N4BP2: variants seen among roughly 807,000 people sequenced by gnomAD.
N4BP2 encodes the protein NEDD4 binding protein 2, also known as NEDD4-binding protein 2.
In N4BP2, 91 loss-of-function variants were observed where a neutral mutation model predicts 152.8. The ratio of observed to expected loss-of-function variants is 0.60; its 90% CI spans 0.50 to 0.71. The LOEUF (loss-of-function observed/expected upper bound fraction) is 0.71. N4BP2 is among the 30% of genes least tolerant of loss of function. The pLI is 0.00. For missense variants in N4BP2, 1,923 were observed against 2,059.1 expected, an observed-to-expected ratio of 0.93 and a Z score of 1.28; for synonymous variants, 646 against 705.3, an observed-to-expected ratio of 0.92 and a Z score of 1.33.
chr4:40,136,082 G>T (rs558616654), intron 13 of N4BP2, among the ~76,000 whole-genome samples: 1 of 152,274 alleles, frequency 6.6e-6, no homozygotes, highest in Admixed American at 6.5e-5. Flanking sequence ...AGATATGACT[G>T]AATAATGCAG....
chr4:40,102,511 C>G lies in N4BP2; in HGVS notation c.666C>G (p.Asn222Lys), dbSNP rs576269027. Residue 222 changes from asparagine to lysine, a missense_variant, in exon 4 of 18, where the codon AAC becomes AAG. Physicochemically the swap from Asn to Lys is moderately conservative, Grantham distance 94. Transcript: ENST00000261435. ...LNPLPSHSVL[N>K]ESKCFIKDNT... The stretch of plus-strand genomic sequence containing the variant: ...CATTACCTTCACATTCAGTTTTGAA[C>G]GAGTCCAAGTGTTTTATAAAGGATA... The G allele has an allele frequency of 1.9e-6, 3 of 1,613,972 alleles. No individual in the cohort carries two copies. The highest frequency in any genetic ancestry group is 1.3e-5 in the African/African-American group (1 of 74,898).
intron 2 of N4BP2, among the ~76,000 whole-genome samples, chr4:40,074,038 C>T (rs531530348): frequency 6.6e-5 from 10 of 151,702 alleles, no homozygotes; most frequent in South Asian, 2.1e-4. Flanking sequence ...GTGATCCGCC[C>T]GCCTCAGCCT....
intron 13 of N4BP2, among the ~76,000 whole-genome samples, chr4:40,134,380 G>T (rs12650412): frequency 0.1 from 8,033 of 80,636 alleles, 639 homozygotes; most frequent in East Asian, 0.57. Flanking sequence ...AAAGGAGGGG[G>T]CTGGGTGTGT....
chr4:40,104,080 G>C (rs954630062), intron 4 of N4BP2, among the ~76,000 whole-genome samples: 3 of 151,874 alleles, frequency 2.0e-5, no homozygotes, highest in African/African-American at 7.3e-5. Context: ...AGCCTCCCGA[G>C]CAGCTGGGAC....
In N4BP2 at chr4:40,121,801, T is replaced by G; in HGVS notation, c.3690T>G (p.Asn1230Lys). 1 of 1,614,024 alleles carries G rather than the reference T, an allele frequency of 6.2e-7. No homozygotes were observed. Among genetic ancestry groups the G allele is most frequent in the Non-Finnish European group, 8.5e-7 (1 of 1,179,996 alleles). The change falls in exon 9 of 18, where the codon AAT becomes AAG. Residue 1230 changes from asparagine (N) to lysine (K), a missense_variant. Physicochemically the swap from Asn to Lys is moderately conservative, Grantham distance 94 (BLOSUM62 0). Coordinates refer to ENST00000261435, the MANE Select transcript of N4BP2 (RefSeq NM_018177.6). ...CCAGTGCTGCTGTGGGTCTAAAGAA[T>G]AATAATGACATACTTCCTAACAGCC... ...IFPSAAVGLK[N>K]NNDILPNSQE...
chr4:40,152,216 A>C (rs1295085956), intron 16 of N4BP2, among the ~76,000 whole-genome samples: 1 of 152,244 alleles, frequency 6.6e-6, no homozygotes, highest in African/African-American at 2.4e-5. Flanking sequence ...ACTGGAAGAT[A>C]ATCTATAAAC....
chr4:40,121,537 A>G lies in N4BP2; in HGVS notation c.3426A>G (p.Gln1142=). Residue 1142 remains glutamine (Q), a synonymous_variant, in exon 9 of 18, where the codon CAA becomes CAG. Coordinates refer to ENST00000261435, the MANE Select transcript of N4BP2 (RefSeq NM_018177.6). ...LCEDTEFENF[Q]KSCDGSQIGP... ...AGGATACAGAGTTTGAGAATTTCCAAAAATCGTGTGATGGATCACAAATTG... is the reference window on the plus strand; with the variant it reads ...AGGATACAGAGTTTGAGAATTTCCAGAAATCGTGTGATGGATCACAAATTG... 6.2e-7 allele frequency: 1 copy of G among 1,614,192 alleles called. No individual in the cohort carries two copies. Among genetic ancestry groups the G allele is most frequent in the South Asian group, 1.1e-5 (1 of 91,082 alleles).
At chr4:40,135,023 G>A (rs1382565483) in intron 13 of N4BP2, among the ~76,000 whole-genome samples, 1 of 148,574 alleles carries the variant, frequency 6.7e-6, no homozygotes, top group East Asian at 2.0e-4. Flanking sequence ...ATGTATACAT[G>A]TGACATGCTG....
intron 5 of N4BP2, among the ~76,000 whole-genome samples, chr4:40,108,724 A>G (rs760823375): frequency 2.0e-4 from 30 of 152,140 alleles, no homozygotes; most frequent in Non-Finnish European, 3.7e-4. Flanking sequence ...GTAACTGTCT[A>G]TTCAGTGAAG....
At chr4:40,180,111 G>A in the N4BP2 span, among the ~76,000 whole-genome samples, 12 of 152,096 alleles carry the variant, frequency 7.9e-5, no homozygotes, top group African/African-American at 2.2e-4. Flanking sequence ...AAAAACTTGG[G>A]CATGGCAAAA....
intron 2 of N4BP2, among the ~76,000 whole-genome samples, chr4:40,081,808 G>A (rs1449800513): frequency 6.7e-6 from 1 of 149,678 alleles, no homozygotes; most frequent in Non-Finnish European, 1.5e-5. Flanking sequence ...AAACCCCATC[G>A]CTACTAAAAA....
downstream of N4BP2, among the ~76,000 whole-genome samples, chr4:40,159,345 A>T (rs1721793248): frequency 6.6e-6 from 1 of 152,230 alleles, no homozygotes; most frequent in Non-Finnish European, 1.5e-5. Flanking sequence ...CAAAATACTA[A>T]TGGCAAAAGG....
At chr4:40,062,419 C>T (rs934386251) in intron 1 of N4BP2, among the ~76,000 whole-genome samples, 11 of 152,118 alleles carry the variant, frequency 7.2e-5, no homozygotes, top group Admixed American at 2.0e-4. Context: ...GGTTGTTGCA[C>T]GAGCCTCCTA....
chr4:40,132,871 T>A (rs1207983360), intron 13 of N4BP2, among the ~76,000 whole-genome samples: 1 of 152,108 alleles, frequency 6.6e-6, no homozygotes, highest in African/African-American at 2.4e-5. Context: ...AGGAATTGAT[T>A]TACTAATTCA....
In N4BP2 at chr4:40,121,816, T is replaced by G; in HGVS notation, c.3705T>G (p.Leu1235=). Residue 1235 remains leucine (L), a synonymous_variant, in exon 9 of 18, where the codon CTT becomes CTG. Coordinates refer to ENST00000261435, the MANE Select transcript of N4BP2 (RefSeq NM_018177.6). ...GTCTAAAGAATAATAATGACATACT[T>G]CCTAACAGCCAGGAAGAACTTTTAT... ...AVGLKNNNDI[L]PNSQEELLYS... 1 of 1,614,056 alleles carries G rather than the reference T, an allele frequency of 6.2e-7. No individual in the cohort carries two copies. The highest frequency in any genetic ancestry group is 8.5e-7 in the Non-Finnish European group (1 of 1,180,010).
At chr4:40,077,008 A>T (rs1281152766) in intron 2 of N4BP2, among the ~76,000 whole-genome samples, 2 of 151,950 alleles carry the variant, frequency 1.3e-5, no homozygotes, top group Non-Finnish European at 2.9e-5. Context: ...TTCCCTATAT[A>T]TTACATATAG....
Position 40,120,867 on chromosome 4 carries a change from A to T in N4BP2, c.2756A>T (p.Asn919Ile). 1 of 1,614,144 alleles carries T rather than the reference A, an allele frequency of 6.2e-7. No individual in the cohort carries two copies. The highest frequency in any genetic ancestry group is 8.5e-7 in the Non-Finnish European group (1 of 1,180,018). ...NLEIGTNDKM[N>I]EISLSTAHEA... ...GAAATTGGAACAAATGACAAAATGA[A>T]TGAAATATCCTTATCTACAGCACAT... is the stretch of plus-strand genomic sequence containing the variant. The change falls in exon 9 of 18, where the codon AAT becomes ATT. Residue 919 changes from asparagine to isoleucine, a missense_variant. By Grantham distance (149) the Asn-to-Ile change is moderately radical. Coordinates refer to ENST00000261435, the MANE Select transcript of N4BP2 (RefSeq NM_018177.6).
intron 4 of N4BP2, among the ~76,000 whole-genome samples, chr4:40,106,464 A>G (rs983658360): frequency 2.6e-5 from 4 of 152,154 alleles, no homozygotes; most frequent in Non-Finnish European, 4.4e-5. Context: ...CTATAGGTGC[A>G]CACTACCACA....
intron 16 of N4BP2, among the ~76,000 whole-genome samples, chr4:40,149,880 G>C (rs1209089969): frequency 2.0e-5 from 3 of 147,166 alleles, no homozygotes; most frequent in Non-Finnish European, 3.0e-5. Flanking sequence ...CTGGGTGACA[G>C]AGCGAGACTC....
Sources: gnomAD v4.1 joint callset for allele counts (sites outside exome capture counted in the v4.1 genomes callset) on GRCh38, gnomAD v4.1.1 for gene constraint, MANE v1.5 for transcripts, NCBI Gene and HGNC (gene_info 2026-07-23, HGNC 2026-07-21) for gene names.